FOXP1: variants seen among roughly 807,000 people sequenced by gnomAD.
FOXP1 encodes forkhead box P1.
A neutral mutation model predicts 98.2 loss-of-function variants in FOXP1; 15 were observed. The observed-to-expected ratio is 0.15, with a 90% confidence interval of 0.10 to 0.24. The LOEUF (loss-of-function observed/expected upper bound fraction) is 0.24, where lower values mean the gene tolerates loss of function less well. Ranked by LOEUF, FOXP1 falls within the 10% of genes least tolerant of loss-of-function variation. FOXP1 has a pLI of 1.00. For synonymous variants in FOXP1, 371 were observed against 314.5 expected (o/e 1.18, Z -1.90); for missense variants, 633 against 848.5 (o/e 0.75, Z 3.15).
In FOXP1 at chr3:70,977,737, T is replaced by C. The variant is rs765663487; in HGVS notation, c.1349-15A>G. The C allele has an allele frequency of 6.2e-7, 1 of 1,613,634 alleles. No individual in the cohort carries two copies. Among genetic ancestry groups the C allele is most frequent in the Non-Finnish European group, 8.5e-7 (1 of 1,179,492 alleles). The stretch of plus-strand genomic sequence containing the variant: ...CGCAATATCTGCTGAATAAGAATCA[T>C]TGTCCTATTAATTATCACTTTTTCA... On this transcript the variant is annotated splice_polypyrimidine_tract_variant and intron_variant, in intron 15 of 20. Coordinates refer to ENST00000649528, the MANE Select transcript of FOXP1 (RefSeq NM_001349338.3).
intron 3 of FOXP1, among the ~76,000 whole-genome samples, chr3:71,388,972 G>A (rs561878878): frequency 6.6e-6 from 1 of 152,144 alleles, no homozygotes; most frequent in Admixed American, 6.5e-5. Context: ...TAACAAAAAT[G>A]TCAGAGCTAC....
At chr3:71,349,996 T>C (rs1474531038) in intron 4 of FOXP1, among the ~76,000 whole-genome samples, 2 of 152,258 alleles carry the variant, frequency 1.3e-5, no homozygotes, top group Non-Finnish European at 2.9e-5. Flanking sequence ...GTTAAAATTC[T>C]GTAATTTAAC....
chr3:71,442,510 C>G (rs897049795), intron 3 of FOXP1, among the ~76,000 whole-genome samples: 1 of 152,126 alleles, frequency 6.6e-6, no homozygotes, highest in Admixed American at 6.5e-5. Context: ...ATGCAAGTCT[C>G]GCGCAGTGAG....
chr3:71,272,747 A>G (rs1237484782), intron 5 of FOXP1, among the ~76,000 whole-genome samples: 1 of 145,612 alleles, frequency 6.9e-6, no homozygotes, highest in Admixed American at 7.1e-5. Context: ...ACTGGGAGAA[A>G]GAGCTCTGCC....
At chr3:71,436,935 C>T (rs1275908148) in intron 3 of FOXP1, among the ~76,000 whole-genome samples, 2 of 152,136 alleles carry the variant, frequency 1.3e-5, no homozygotes, top group Non-Finnish European at 2.9e-5. Context: ...CATTTTTTCA[C>T]CTATCAAATT....
intron 3 of FOXP1, among the ~76,000 whole-genome samples, chr3:71,363,818 A>G (rs1251533206): frequency 6.6e-6 from 1 of 152,222 alleles, no homozygotes; most frequent in East Asian, 1.9e-4. Context: ...CTAACCAAAT[A>G]GATGGAAGTG....
At chr3:71,352,194 G>A (rs1235006555) in intron 4 of FOXP1, among the ~76,000 whole-genome samples, 2 of 152,102 alleles carry the variant, frequency 1.3e-5, no homozygotes, top group African/African-American at 4.8e-5. Flanking sequence ...GGCTGGGTGT[G>A]GTCACTCATG....
At chr3:71,086,681 C>T (rs540176098) in intron 7 of FOXP1, among the ~76,000 whole-genome samples, 2 of 152,288 alleles carry the variant, frequency 1.3e-5, no homozygotes, top group African/African-American at 4.8e-5. Flanking sequence ...CCAGGAATGC[C>T]TCTCTTCCAA....
chr3:71,152,955 A>C (rs11923661), intron 6 of FOXP1, among the ~76,000 whole-genome samples: 79,885 of 152,026 alleles, frequency 0.53, 21,737 homozygotes, highest in East Asian at 0.87. Flanking sequence ...CAAGTCCTTG[A>C]CAAACTTTCC....
intron 6 of FOXP1, among the ~76,000 whole-genome samples, chr3:71,141,505 G>A (rs1216043355): frequency 1.3e-5 from 2 of 152,026 alleles, no homozygotes; most frequent in Admixed American, 6.6e-5. Context: ...TGATTAACTC[G>A]GTTTCACTAC....
At chr3:71,563,138 C>G (rs1298636323) in intron 2 of FOXP1, among the ~76,000 whole-genome samples, 1 of 152,060 alleles carries the variant, frequency 6.6e-6, no homozygotes, top group African/African-American at 2.4e-5. Context: ...CAGGGAGTGG[C>G]TGGGGAGGAG....
chr3:71,325,337 G>A lies in FOXP1; in HGVS notation c.-72-25457C>T, dbSNP rs1315336233. The stretch of plus-strand genomic sequence containing the variant: ...CAAAGTGCTGGGATTACAGGCGTGA[G>A]CCACTGTGCCCAGCCAATCCCTTGA... On this transcript the variant is annotated intron_variant, in intron 4 of 20. Transcript: ENST00000649528. 2.0e-5 allele frequency among the ~76,000 whole-genome samples: 3 copies of A among 152,206 alleles called. No homozygotes were observed. The East Asian group carries it at 5.8e-4, about 29-fold the overall frequency.
intron 4 of FOXP1, among the ~76,000 whole-genome samples, chr3:71,354,325 T>C (rs541133866): frequency 1.3e-5 from 2 of 150,616 alleles, no homozygotes; most frequent in Non-Finnish European, 3.0e-5. Context: ...AAATTTAAGA[T>C]GCCCTCTATT....
chr3:71,314,295 C>T (rs2074916036), intron 4 of FOXP1, among the ~76,000 whole-genome samples: 1 of 152,144 alleles, frequency 6.6e-6, no homozygotes, highest in Non-Finnish European at 1.5e-5. Context: ...CTTTAGGAGG[C>T]TGAGGTGGGC....
intron 13 of FOXP1, among the ~76,000 whole-genome samples, chr3:70,994,173 CCAGT>C (rs978898215): frequency 1.3e-5 from 2 of 151,390 alleles, no homozygotes; most frequent in African/African-American, 4.9e-5. Context: ...CAACAGCTGG[CCAGT>C]CAAATGGTTT....
chr3:71,582,384 A>T, intron 1 of FOXP1: 2 of 979,692 alleles, frequency 2.0e-6, no homozygotes, highest in Non-Finnish European at 2.4e-6. Context: ...CGCCGCCGCC[A>T]CCGCCGTGGT....
chr3:71,495,463 A>C (rs7623765), intron 2 of FOXP1, among the ~76,000 whole-genome samples: 5 of 152,026 alleles, frequency 3.3e-5, no homozygotes, highest in Admixed American at 6.5e-5. Flanking sequence ...GCTCATAGCA[A>C]GTACTCAATA....
intron 6 of FOXP1, among the ~76,000 whole-genome samples, chr3:71,171,413 A>T (rs776329880): frequency 6.6e-6 from 1 of 152,204 alleles, no homozygotes; most frequent in Non-Finnish European, 1.5e-5. Context: ...GGGGAACAAT[A>T]TCTGAAGAGA....
At chr3:71,403,241 A>G (rs2082067704) in intron 3 of FOXP1, among the ~76,000 whole-genome samples, 1 of 152,218 alleles carries the variant, frequency 6.6e-6, no homozygotes. Context: ...GATGTAGTGA[A>G]GAACACAAAC....
Sources: allele counts gnomAD v4.1 joint callset (sites outside exome capture counted in the v4.1 genomes callset), GRCh38; gene constraint gnomAD v4.1.1; transcripts MANE v1.5; gene names NCBI Gene and HGNC (gene_info 2026-07-23, HGNC 2026-07-21).